GALNT13: variants seen among roughly 807,000 people sequenced by gnomAD.
The protein encoded by GALNT13 is UDP-GalNAc:polypeptide N-acetylgalactosaminyltransferase 13.
GALNT13 carries 28 observed loss-of-function variants against 64.2 expected under a neutral mutation model. The ratio of observed to expected loss-of-function variants is 0.44; its 90% CI spans 0.32 to 0.60. The LOEUF is 0.60. Among genes scored for constraint, GALNT13 ranks in the 20% least tolerant of loss-of-function variants. GALNT13 has a pLI of 0.05. For synonymous variants in GALNT13, 214 were observed against 224.6 expected (o/e 0.95, Z 0.42); for missense variants, 577 against 669.8 (o/e 0.86, Z 1.53).
the GALNT13 span, among the ~76,000 whole-genome samples, chr2:153,840,842 T>A: frequency 6.6e-6 from 1 of 152,170 alleles, no homozygotes; most frequent in Admixed American, 6.6e-5. Context: ...GAAGTCTTTC[T>A]GGGCACAGAG....
chr2:153,597,701 GAAAATGTTTGC>G, the GALNT13 span, among the ~76,000 whole-genome samples: 3 of 152,016 alleles, frequency 2.0e-5, no homozygotes, highest in African/African-American at 7.2e-5. Context: ...CAGAATGGGA[GAAAATGTTTGC>G]AAATCATATA....
intron 3 of GALNT13, among the ~76,000 whole-genome samples, chr2:154,026,376 G>C (rs982047221): frequency 2.6e-5 from 4 of 152,330 alleles, no homozygotes; most frequent in Non-Finnish European, 1.5e-5. Context: ...AAGTTCAGTA[G>C]AAAGTGTGGA....
At chr2:154,046,827 A>G (rs1370539567) in intron 3 of GALNT13, among the ~76,000 whole-genome samples, 1 of 152,112 alleles carries the variant, frequency 6.6e-6, no homozygotes, top group Non-Finnish European at 1.5e-5. Context: ...TCTGCAAGCC[A>G]ATGAGAGAGG....
At chr2:153,944,676 A>C (rs200101064) in intron 3 of GALNT13, 37 bp downstream of exon 3, 6 of 1,549,042 alleles carry the variant, frequency 3.9e-6, no homozygotes, top group Non-Finnish European at 4.4e-6. Flanking sequence ...CTTTATAGAG[A>C]TGAGAAAAGT....
the GALNT13 span, among the ~76,000 whole-genome samples, chr2:153,352,167 T>C: frequency 2.6e-5 from 4 of 152,190 alleles, no homozygotes; most frequent in African/African-American, 9.6e-5. Context: ...AGGTATATAA[T>C]ATCTCATTAC....
intron 3 of GALNT13, among the ~76,000 whole-genome samples, chr2:153,980,431 T>C (rs1331711254): frequency 6.6e-6 from 1 of 151,908 alleles, no homozygotes. Context: ...CTAAATAAAG[T>C]TAGTGAAAAA....
At chr2:153,346,900 T>G in the GALNT13 span, among the ~76,000 whole-genome samples, 1 of 152,216 alleles carries the variant, frequency 6.6e-6, no homozygotes, top group Non-Finnish European at 1.5e-5. Context: ...GGCTTATAAA[T>G]ATTTCATAAT....
At chr2:154,205,663 G>T (rs1687405072) in intron 4 of GALNT13, among the ~76,000 whole-genome samples, 1 of 152,124 alleles carries the variant, frequency 6.6e-6, no homozygotes, top group Non-Finnish European at 1.5e-5. Context: ...GCAAGGAGGA[G>T]CAAGTCACAT....
intron 9 of GALNT13, among the ~76,000 whole-genome samples, chr2:154,360,152 T>A (rs1262248247): frequency 6.6e-6 from 1 of 152,172 alleles, no homozygotes; most frequent in Non-Finnish European, 1.5e-5. Flanking sequence ...TTTCCTTGAT[T>A]GTTTGTAAAT....
chr2:153,174,399 A>G, the GALNT13 span, among the ~76,000 whole-genome samples: 1 of 151,696 alleles, frequency 6.6e-6, no homozygotes, highest in East Asian at 1.9e-4. Context: ...CACAAATCAC[A>G]TGCCTAATCT....
chr2:154,236,000 A>G, intron 4 of GALNT13: 1 of 1,102,604 alleles, frequency 9.1e-7, no homozygotes, highest in East Asian at 6.0e-5. Context: ...ATTCTTTCCA[A>G]AGTAGATCAG....
chr2:153,790,411 T>TAA, the GALNT13 span, among the ~76,000 whole-genome samples: 4 of 151,930 alleles, frequency 2.6e-5, no homozygotes, highest in Non-Finnish European at 5.9e-5. Context: ...GGCTTTATGT[T>TAA]AAAAAACTGT....
chr2:154,162,903 T>C (rs930541118), intron 4 of GALNT13, among the ~76,000 whole-genome samples: 43 of 151,976 alleles, frequency 2.8e-4, no homozygotes, highest in African/African-American at 1.0e-3. Context: ...AGCCGAGTTT[T>C]CCAAAGTCAC....
At chr2:153,345,041 T>C in the GALNT13 span, among the ~76,000 whole-genome samples, 6,255 of 152,270 alleles carry the variant, frequency 0.041, 178 homozygotes, top group Non-Finnish European at 0.054. Context: ...AACTAGGAGA[T>C]ATGAATTTCA....
chr2:153,834,395 G>A, the GALNT13 span, among the ~76,000 whole-genome samples: 1 of 152,174 alleles, frequency 6.6e-6, no homozygotes, highest in Admixed American at 6.6e-5. Flanking sequence ...AAAGATAAAA[G>A]CCAAAGAATC....
chr2:153,541,558 T>C, the GALNT13 span, among the ~76,000 whole-genome samples: 21 of 152,168 alleles, frequency 1.4e-4, no homozygotes, highest in Non-Finnish European at 2.2e-4. Context: ...CTACAATTAT[T>C]ACTCTAACCT....
chr2:153,080,683 G>A, the GALNT13 span, among the ~76,000 whole-genome samples: 12 of 151,962 alleles, frequency 7.9e-5, no homozygotes, highest in East Asian at 1.9e-4. Flanking sequence ...TTTTTTGTCC[G>A]CTTGATCTTT....
the GALNT13 span, among the ~76,000 whole-genome samples, chr2:153,338,996 A>C: frequency 1.3e-5 from 2 of 152,206 alleles, no homozygotes; most frequent in Non-Finnish European, 1.5e-5. Flanking sequence ...CACTCTGTAT[A>C]TATACCACAT....
the GALNT13 span, among the ~76,000 whole-genome samples, chr2:153,216,350 G>A: frequency 6.6e-6 from 1 of 152,024 alleles, no homozygotes; most frequent in Non-Finnish European, 1.5e-5. Flanking sequence ...TGGGTCATAA[G>A]TAGTATATGG....
Sources: gnomAD v4.1 joint callset for allele counts (sites outside exome capture counted in the v4.1 genomes callset) on GRCh38, gnomAD v4.1.1 for gene constraint, MANE v1.5 for transcripts, NCBI Gene and HGNC (gene_info 2026-07-23, HGNC 2026-07-21) for gene names.